The following SYT1 variants were observed in gnomAD, a reference collection of about 807,000 sequenced individuals.
SYT1 encodes the protein synaptotagmin 1.
In SYT1, 8 loss-of-function variants were observed where a neutral mutation model predicts 44.8. The ratio of observed to expected loss-of-function variants is 0.18; its 90% CI spans 0.10 to 0.32. The LOEUF is 0.32. SYT1 is among the 10% of genes least tolerant of loss of function. SYT1 has a pLI of 1.00. For synonymous variants in SYT1, 154 were observed against 188.8 expected (o/e 0.82, Z 1.51); for missense variants, 286 against 509.3 (o/e 0.56, Z 4.22).
In SYT1 at chr12:79,229,747, C is replaced by A. The variant is rs903826874; in HGVS notation, c.166+12062C>A. The stretch of plus-strand genomic sequence containing the variant: ...TAGCTGGGATTTCAGGCGCTCACCA[C>A]CATGCCTGGCTAATTTTTTGTATTT... On this transcript the variant is annotated intron_variant, in intron 4 of 10. Transcript: ENST00000261205. Among the ~76,000 whole-genome samples, 15 of 152,166 alleles carry A rather than the reference C, an allele frequency of 9.9e-5. 1 individual carries two copies. Among genetic ancestry groups the A allele is most frequent in the African/African-American group, 3.6e-4 (15 of 41,504 alleles).
At chr12:79,091,246 T>G (rs938837099) in intron 3 of SYT1, among the ~76,000 whole-genome samples, 1 of 151,946 alleles carries the variant, frequency 6.6e-6, no homozygotes, top group African/African-American at 2.4e-5. Flanking sequence ...TTAGACATTT[T>G]GAGATAAGAC....
At chr12:79,395,865 TACTC>T (rs1457637742) in intron 9 of SYT1, among the ~76,000 whole-genome samples, 19 of 152,292 alleles carry the variant, frequency 1.2e-4, no homozygotes, top group African/African-American at 3.8e-4. Flanking sequence ...TAAAATAACA[TACTC>T]AGTAAAGAAC....
At chr12:79,262,463 T>A (rs1877885015) in intron 4 of SYT1, among the ~76,000 whole-genome samples, 1 of 151,954 alleles carries the variant, frequency 6.6e-6, no homozygotes, top group South Asian at 2.1e-4. Context: ...ACAAGAAATA[T>A]ACAATTCTGC....
chr12:79,404,107 T>C (rs1885161588), intron 9 of SYT1, among the ~76,000 whole-genome samples: 1 of 152,144 alleles, frequency 6.6e-6, no homozygotes, highest in African/African-American at 2.4e-5. Flanking sequence ...GCAAAGAAAC[T>C]TGGCCTCTGA....
chr12:79,162,384 TG>T (rs1285383443), intron 3 of SYT1, among the ~76,000 whole-genome samples: 1 of 152,138 alleles, frequency 6.6e-6, no homozygotes, highest in African/African-American at 2.4e-5. Flanking sequence ...GACACCACAC[TG>T]CCTTATATTC....
chr12:79,070,103 A>G (rs1290136728), intron 3 of SYT1, among the ~76,000 whole-genome samples: 1 of 152,116 alleles, frequency 6.6e-6, no homozygotes, highest in Admixed American at 6.6e-5. Flanking sequence ...CTATTCTTTG[A>G]AGGCGGTTTA....
intron 3 of SYT1, among the ~76,000 whole-genome samples, chr12:79,188,755 A>C (rs548926582): frequency 3.2e-4 from 48 of 152,084 alleles, no homozygotes; most frequent in Non-Finnish European, 6.5e-4. Flanking sequence ...TCCCCCCACA[A>C]AGAGTAAGGA....
At chr12:79,053,760 T>A (rs930715795) in intron 3 of SYT1, among the ~76,000 whole-genome samples, 17 of 151,708 alleles carry the variant, frequency 1.1e-4, no homozygotes, top group Non-Finnish European at 1.8e-4. Context: ...TAAGTTGTTT[T>A]TGTGAACATT....
At chr12:79,406,262 GGT>G (rs1433910854) in intron 9 of SYT1, among the ~76,000 whole-genome samples, 2 of 152,106 alleles carry the variant, frequency 1.3e-5, no homozygotes, top group Non-Finnish European at 2.9e-5. Flanking sequence ...TGTGGTGACT[GGT>G]ATGTCTGTAG....
At chr12:78,878,851 GTCATTCAAAAATCTAGAC>G (rs1205371027) in intron 1 of SYT1, among the ~76,000 whole-genome samples, 3 of 151,838 alleles carry the variant, frequency 2.0e-5, no homozygotes, top group African/African-American at 7.2e-5. Context: ...GATTTACATA[GTCATTCAAAAATCTAGAC>G]TCTGAGAGCT....
chr12:79,028,533 A>G (rs1040335942), intron 2 of SYT1, among the ~76,000 whole-genome samples: 1 of 151,322 alleles, frequency 6.6e-6, no homozygotes, highest in Non-Finnish European at 1.5e-5. Flanking sequence ...TGTGGGCCTC[A>G]TATCCAGGGC....
intron 1 of SYT1, chr12:78,963,947 T>C (rs1428136397): frequency 1.3e-5 from 2 of 152,246 alleles, no homozygotes; most frequent in African/African-American, 4.8e-5. Context: ...GAATACATTT[T>C]TTAAATGTAG....
chr12:78,884,076 G>A (rs1381866289), intron 1 of SYT1, among the ~76,000 whole-genome samples: 1 of 151,340 alleles, frequency 6.6e-6, no homozygotes, highest in East Asian at 1.9e-4. Flanking sequence ...TTCAGACACT[G>A]TTTTCTTTCA....
At chr12:78,883,547 C>T (rs912592429) in intron 1 of SYT1, among the ~76,000 whole-genome samples, 1 of 151,576 alleles carries the variant, frequency 6.6e-6, no homozygotes, top group African/African-American at 2.4e-5. Context: ...AGGTAGCTCA[C>T]TGTTAAGTTT....
chr12:78,896,318 A>G (rs1314508973), intron 1 of SYT1, among the ~76,000 whole-genome samples: 1 of 151,804 alleles, frequency 6.6e-6, no homozygotes, highest in African/African-American at 2.4e-5. Context: ...TGAAAAATGT[A>G]CTTGGAAGAA....
At chr12:79,339,479 T>G (rs1592980429) in intron 8 of SYT1, among the ~76,000 whole-genome samples, 1 of 152,230 alleles carries the variant, frequency 6.6e-6, no homozygotes, top group African/African-American at 2.4e-5. Flanking sequence ...TTTTGAAAAG[T>G]ATCTGTTCAT....
chr12:79,217,426 C>T, intron 3 of SYT1, 77 bp from the exon 4 acceptor site: 1 of 1,302,422 alleles, frequency 7.7e-7, no homozygotes, highest in Non-Finnish European at 1.0e-6. Flanking sequence ...GATGTTGTTT[C>T]ATCTCTGGGA....
chr12:78,972,397 C>T (rs774051373), intron 1 of SYT1, among the ~76,000 whole-genome samples: 3 of 151,800 alleles, frequency 2.0e-5, no homozygotes, highest in East Asian at 1.9e-4. Context: ...ACATTGACTA[C>T]GATAAAGTTA....
chr12:79,211,926 A>G (rs1874483596), intron 3 of SYT1, among the ~76,000 whole-genome samples: 1 of 152,038 alleles, frequency 6.6e-6, no homozygotes, highest in African/African-American at 2.4e-5. Context: ...CACTATCTAT[A>G]TTTAGCCAGA....
Sources: allele counts gnomAD v4.1 joint callset (sites outside exome capture counted in the v4.1 genomes callset), GRCh38; gene constraint gnomAD v4.1.1; transcripts MANE v1.5; gene names NCBI Gene and HGNC (gene_info 2026-07-23, HGNC 2026-07-21).